CFAP43: variants seen among roughly 807,000 people sequenced by gnomAD.
The protein encoded by CFAP43 is cilia and flagella associated protein 43.
Under a neutral mutation model 218.9 loss-of-function variants are expected in CFAP43, and 155 were observed. The observed-to-expected ratio is 0.71, with a 90% CI of 0.62 to 0.81. The LOEUF is 0.81. Ranked by LOEUF, CFAP43 falls within the 30% of genes least tolerant of loss-of-function variation. The probability of loss-of-function intolerance (pLI) is 0.00; values close to 1 mark genes in which losing one functional copy is unlikely to be tolerated. For missense variants in CFAP43, 1,778 were observed against 1,954.3 expected (o/e 0.91, Z 1.70); for synonymous variants, 645 against 681.3 (o/e 0.95, Z 0.83).
Position 104,164,301 on chromosome 10 carries a change from C to T in CFAP43, c.3040-1G>A. Reference sequence around the variant, plus strand: ...CAGTTTTTACCTTGTAAATGATATCCTGAAATATTAACATGTTACTGAAAA... The same window carrying T: ...CAGTTTTTACCTTGTAAATGATATCTTGAAATATTAACATGTTACTGAAAA... On this transcript the variant is annotated splice_acceptor_variant, in intron 23 of 37. Coordinates refer to ENST00000357060, the MANE Select transcript of CFAP43 (RefSeq NM_025145.7). LOFTEE classifies it high-confidence loss of function. 1.3e-6 allele frequency: 2 copies of T among 1,572,270 alleles called. No homozygotes were observed. Among genetic ancestry groups the T allele is most frequent in the Non-Finnish European group, 1.7e-6 (2 of 1,150,990 alleles).
chr10:104,161,121 C>G lies in CFAP43; in HGVS notation c.3456G>C (p.Val1152=), dbSNP rs146612334. The change falls in exon 27 of 38, where the codon GTG becomes GTC. Residue 1152 remains valine, a synonymous_variant. Coordinates refer to ENST00000357060, the MANE Select transcript of CFAP43 (RefSeq NM_025145.7). The stretch of plus-strand genomic sequence containing the variant: ...ATTGTTTTCTTTCTTCTTCAGTCCA[C>G]ACAGCATCAGGTTTTGCCATGAAAG... ...QPAFMAKPDA[V]WTEEERKQFK... is the part of the protein sequence containing the mutation. The G allele has an allele frequency of 2.5e-6, 4 of 1,613,622 alleles. No homozygotes were observed. The highest frequency in any genetic ancestry group is 3.4e-6 in the Non-Finnish European group (4 of 1,179,846).
intron 5 of CFAP43, among the ~76,000 whole-genome samples, chr10:104,209,876 C>T (rs2090801690): frequency 6.6e-6 from 1 of 152,082 alleles, no homozygotes; most frequent in South Asian, 2.1e-4. Context: ...GTTCCAGGAC[C>T]CCCCACTGAT....
intron 10 of CFAP43, among the ~76,000 whole-genome samples, chr10:104,196,141 T>G (rs1481454702): frequency 6.6e-6 from 1 of 152,152 alleles, no homozygotes; most frequent in Non-Finnish European, 1.5e-5. Flanking sequence ...TGGGTGTACC[T>G]CAATGAAGCC....
chr10:104,224,706 G>A (rs996437601), intron 3 of CFAP43, among the ~76,000 whole-genome samples: 34 of 135,062 alleles, frequency 2.5e-4, no homozygotes, highest in African/African-American at 9.5e-4. Flanking sequence ...AGTGAGCTGA[G>A]ATCGTGCCAC....
intron 5 of CFAP43, among the ~76,000 whole-genome samples, chr10:104,210,175 C>T (rs2090811276): frequency 6.6e-6 from 1 of 152,190 alleles, no homozygotes. Context: ...TATTTTTGAT[C>T]TGCAGTGGGT....
At chr10:104,204,729 G>C (rs1056030786) in intron 7 of CFAP43, among the ~76,000 whole-genome samples, 2 of 152,170 alleles carry the variant, frequency 1.3e-5, no homozygotes, top group African/African-American at 4.8e-5. Flanking sequence ...ATGTGCTCCA[G>C]ATGGCTTCCT....
chr10:104,207,183 A>T (rs977632031), intron 6 of CFAP43, among the ~76,000 whole-genome samples: 1 of 151,474 alleles, frequency 6.6e-6, no homozygotes, highest in African/African-American at 2.4e-5. Context: ...AAAAAAAACC[A>T]AAAAAACAAC....
At chr10:104,228,495 T>C (rs960662310) in intron 2 of CFAP43, among the ~76,000 whole-genome samples, 1 of 152,204 alleles carries the variant, frequency 6.6e-6, no homozygotes, top group African/African-American at 2.4e-5. Context: ...TCTTTCAAAT[T>C]ATTCTCATTC....
At position 104,166,628 on chromosome 10, in the gene CFAP43, T is replaced by G. The variant is rs1189345222; in HGVS notation, c.2899A>C (p.Lys967Gln). Residue 967 changes from lysine to glutamine, a missense_variant, in exon 23 of 38, where the codon AAG (lysine) becomes CAG (glutamine). Physicochemically the swap from Lys to Gln is moderately conservative, Grantham distance 53. This residue lies in a region of CFAP43 where 1,553 missense variants were observed against 1,685.2 expected (regional missense o/e 0.92). Transcript: ENST00000357060. ...GGCAAATTGCTATATTTTACTGTCT[T>G]GTCTTCCTCTTCCTCTTCTTCATCA... is the stretch of plus-strand genomic sequence containing the variant. ...EDDEEEEEED[K>Q]TVKYSNLPNY... is the part of the protein sequence containing the mutation. 5.0e-6 allele frequency: 8 copies of G among 1,614,046 alleles called. No individual in the cohort carries two copies. Among genetic ancestry groups the G allele is most frequent in the Non-Finnish European group, 6.8e-6 (8 of 1,180,022 alleles).
At chr10:104,222,939 GCT>G (rs1182376690) in intron 3 of CFAP43, among the ~76,000 whole-genome samples, 1 of 152,226 alleles carries the variant, frequency 6.6e-6, no homozygotes, top group Non-Finnish European at 1.5e-5. Flanking sequence ...GGGTTGGCAA[GCT>G]CTTTCTATAA....
Position 104,162,397 on chromosome 10 carries a change from C to T in CFAP43, c.3253G>A (p.Ala1085Thr), listed in dbSNP as rs1465033699. The change falls in exon 25 of 38, where the codon GCC (alanine) becomes ACC (threonine). Residue 1085 changes from alanine (A) to threonine (T), a missense_variant. Physicochemically the swap from Ala to Thr is moderately conservative, Grantham distance 58 (BLOSUM62 0). Transcript: ENST00000357060. ...TGCCACGGCTTAATGTGTTTGTGGGCTGTAATCTGAAAGAGAAAATGTCAT... is the reference window on the plus strand; with the variant it reads ...TGCCACGGCTTAATGTGTTTGTGGGTTGTAATCTGAAAGAGAAAATGTCAT... ...TLVVQDEEIT[A>T]HKHIKPWHKA... 1 of 1,613,388 alleles carries T rather than the reference C, an allele frequency of 6.2e-7. No homozygotes were observed. The highest frequency in any genetic ancestry group is 2.2e-5 in the East Asian group (1 of 44,892).
chr10:104,196,689 T>C lies in CFAP43; in HGVS notation c.1293+164A>G, dbSNP rs72823961. Among the ~76,000 whole-genome samples the C allele has an allele frequency of 3.8e-3, 585 of 152,336 alleles. 4 individuals carry two copies. The highest frequency in any genetic ancestry group is 0.031 in the Middle Eastern group (9 of 294). On this transcript the variant is annotated intron_variant, in intron 10 of 37. Transcript: ENST00000357060. Reference sequence around the variant, plus strand: ...TGCTATGGTTCCACTCTTGGGGCTGTGGCATATACTTTACACACAAGGATT... The same window carrying C: ...TGCTATGGTTCCACTCTTGGGGCTGCGGCATATACTTTACACACAAGGATT...
chr10:104,157,736 ATG>A (rs71485761), intron 27 of CFAP43, among the ~76,000 whole-genome samples: 2,531 of 107,036 alleles, frequency 0.024, 141 homozygotes, highest in African/African-American at 0.09. Flanking sequence ...AGCTAACTGG[ATG>A]TGTGTGTGTG....
intron 17 of CFAP43, among the ~76,000 whole-genome samples, chr10:104,181,210 T>G (rs115749546): frequency 3.3e-5 from 5 of 152,144 alleles, no homozygotes; most frequent in African/African-American, 1.2e-4. Flanking sequence ...TACATAAATG[T>G]TCAAGTAAAA....
At chr10:104,215,799 CT>C (rs1398555830) in intron 3 of CFAP43, among the ~76,000 whole-genome samples, 1 of 152,108 alleles carries the variant, frequency 6.6e-6, no homozygotes, top group Non-Finnish European at 1.5e-5. Flanking sequence ...AGGCCATCAG[CT>C]GAGAATTCTT....
At chr10:104,196,747 G>A in intron 10 of CFAP43, 106 bp downstream of exon 10, 1 of 919,452 alleles carries the variant, frequency 1.1e-6, no homozygotes, top group East Asian at 2.8e-5. Flanking sequence ...ATGCAGTGAG[G>A]CTTCGGTAAC....
chr10:104,225,356 T>G, intron 3 of CFAP43, 105 bp downstream of exon 3: 1 of 934,940 alleles, frequency 1.1e-6, no homozygotes, highest in Admixed American at 3.3e-5. Flanking sequence ...CCTTCTATAT[T>G]TCCTTGTTTC....
chr10:104,207,819 T>C lies in CFAP43; in HGVS notation c.741A>G (p.Lys247=). ...GGTGAAGCAAAGGATATAGATCATC[T>C]TTCGGCTTCAGGGAGAGAATAAAAC... ...VGKEAETFRP[K]DDLYPLLHPT... is the part of the protein sequence containing the mutation. The change falls in exon 6 of 38, where the codon AAA becomes AAG. Residue 247 remains lysine, a synonymous_variant. Transcript: ENST00000357060. 6.2e-7 allele frequency: 1 copy of C among 1,611,008 alleles called. No individual in the cohort carries two copies. The highest frequency in any genetic ancestry group is 8.5e-7 in the Non-Finnish European group (1 of 1,179,126).
At chr10:104,152,508 A>T in intron 28 of CFAP43, 99 bp downstream of exon 28, 1 of 1,538,344 alleles carries the variant, frequency 6.5e-7, no homozygotes, top group Non-Finnish European at 8.8e-7. Context: ...AGAGCATACA[A>T]GATCTTAGTA....
Sources: gnomAD v4.1 joint callset for allele counts (sites outside exome capture counted in the v4.1 genomes callset) on GRCh38, gnomAD v4.1.1 for gene constraint, gnomAD v4.1.1 regional missense constraint, MANE v1.5 for transcripts, NCBI Gene and HGNC (gene_info 2026-07-23, HGNC 2026-07-21) for gene names.